NSMCE2: variants seen among roughly 807,000 people sequenced by gnomAD.
NSMCE2 encodes NSE2 SUMO ligase component of SMC5/6 complex, also known as E3 SUMO-protein ligase NSE2.
Under a neutral mutation model 23.8 loss-of-function variants are expected in NSMCE2, and 24 were observed. The ratio of observed to expected loss-of-function variants is 1.01; its 90% CI spans 0.73 to 1.42. The LOEUF (loss-of-function observed/expected upper bound fraction) is 1.42. Among genes scored for constraint, NSMCE2 ranks in the 40% most tolerant of loss-of-function variants. The pLI is 0.00. For missense variants in NSMCE2, 284 were observed against 296.5 expected (o/e 0.96, Z 0.31); for synonymous variants, 92 against 94.1 (o/e 0.98, Z 0.13).
chr8:125,142,361 T>A (rs942209920), intron 3 of NSMCE2, among the ~76,000 whole-genome samples: 1 of 152,224 alleles, frequency 6.6e-6, no homozygotes, highest in African/African-American at 2.4e-5. Flanking sequence ...TAGATTTGAA[T>A]GAAGTCTAAT....
chr8:125,301,218 G>A (rs556248725), intron 5 of NSMCE2, among the ~76,000 whole-genome samples: 6 of 152,178 alleles, frequency 3.9e-5, no homozygotes, highest in African/African-American at 1.4e-4. Flanking sequence ...GGGAAAGGGG[G>A]CCTGAGGAAA....
chr8:125,133,882 G>A (rs917533884), intron 3 of NSMCE2, among the ~76,000 whole-genome samples: 2 of 152,068 alleles, frequency 1.3e-5, no homozygotes, highest in Non-Finnish European at 2.9e-5. Flanking sequence ...CATTAGAACC[G>A]TGGATCTCAA....
At chr8:125,232,026 A>G (rs2130948591) in intron 5 of NSMCE2, among the ~76,000 whole-genome samples, 1 of 152,320 alleles carries the variant, frequency 6.6e-6, no homozygotes, top group South Asian at 2.1e-4. Context: ...CACCCACTGT[A>G]TCTCACAGTA....
chr8:125,200,674 G>A (rs1823831767), intron 5 of NSMCE2, among the ~76,000 whole-genome samples: 1 of 152,118 alleles, frequency 6.6e-6, no homozygotes, highest in South Asian at 2.1e-4. Context: ...TTCTCGAGGA[G>A]TATCTTTGTG....
chr8:125,323,943 CA>C lies in NSMCE2; in HGVS notation c.419-33272del, dbSNP rs556012707. 4.0e-3 allele frequency among the ~76,000 whole-genome samples: 614 copies of C among 151,932 alleles called. 4 individuals carry two copies. Among genetic ancestry groups the C allele is most frequent in the Middle Eastern group, 0.014 (4 of 294 alleles). On this transcript the variant is annotated intron_variant, in intron 5 of 7. Coordinates refer to ENST00000287437, the MANE Select transcript of NSMCE2 (RefSeq NM_173685.4). ...GAATCCAGAATAGTAAAAGATCTCT[CA>C]AAACTCAATAAGAAGAAAGCACTCC... is the stretch of plus-strand genomic sequence containing the variant.
chr8:125,211,240 A>G (rs935040424), intron 5 of NSMCE2, among the ~76,000 whole-genome samples: 2 of 152,108 alleles, frequency 1.3e-5, no homozygotes, highest in African/African-American at 4.8e-5. Flanking sequence ...CAAAGTGCAA[A>G]AGACTATGGT....
At chr8:125,320,894 A>G (rs1482007243) in intron 5 of NSMCE2, among the ~76,000 whole-genome samples, 1 of 152,216 alleles carries the variant, frequency 6.6e-6, no homozygotes, top group African/African-American at 2.4e-5. Flanking sequence ...GATGGTGGCA[A>G]CTGCTCAGCT....
intron 5 of NSMCE2, among the ~76,000 whole-genome samples, chr8:125,341,921 A>C (rs1351055850): frequency 3.6e-5 from 5 of 139,486 alleles, no homozygotes; most frequent in African/African-American, 8.9e-5. Context: ...AAAAAAAAAA[A>C]ACCTGTCTCT....
At chr8:125,093,725 AAAAT>A (rs1190645381) in intron 1 of NSMCE2, among the ~76,000 whole-genome samples, 4 of 151,818 alleles carry the variant, frequency 2.6e-5, no homozygotes, top group African/African-American at 7.3e-5. Context: ...TCTGTCTCAA[AAAAT>A]AAATAAATAA....
intron 5 of NSMCE2, among the ~76,000 whole-genome samples, chr8:125,245,767 C>T (rs1277834953): frequency 1.3e-5 from 2 of 152,310 alleles, no homozygotes; most frequent in South Asian, 4.2e-4. Context: ...AGCTCTGTGG[C>T]TCACGCATGT....
At chr8:125,193,188 G>A (rs1823440307) in intron 5 of NSMCE2, among the ~76,000 whole-genome samples, 1 of 152,062 alleles carries the variant, frequency 6.6e-6, no homozygotes, top group African/African-American at 2.4e-5. Context: ...ATTACAAGTA[G>A]GTTAACTACA....
chr8:125,315,768 T>C (rs1829152540), intron 5 of NSMCE2, among the ~76,000 whole-genome samples: 1 of 152,034 alleles, frequency 6.6e-6, no homozygotes, highest in Non-Finnish European at 1.5e-5. Flanking sequence ...CCATTCAGGC[T>C]CACCACATTG....
At chr8:125,131,280 C>T (rs369840545) in intron 3 of NSMCE2, among the ~76,000 whole-genome samples, 7 of 152,182 alleles carry the variant, frequency 4.6e-5, no homozygotes, top group South Asian at 2.1e-4. Flanking sequence ...GGAAAATATA[C>T]GCACTGAAGA....
intron 5 of NSMCE2, among the ~76,000 whole-genome samples, chr8:125,341,535 TCTC>T (rs1299304392): frequency 6.6e-6 from 1 of 152,092 alleles, no homozygotes; most frequent in African/African-American, 2.4e-5. Flanking sequence ...TTTCCAGAGT[TCTC>T]CTTATGTGGT....
In NSMCE2 at chr8:125,164,239, A is replaced by G. The variant is rs528365610; in HGVS notation, c.264+12962A>G. Among the ~76,000 whole-genome samples, 87 of 152,302 alleles carry G rather than the reference A, an allele frequency of 5.7e-4. 1 individual carries two copies. The highest frequency in any genetic ancestry group is 1.8e-3 in the African/African-American group (74 of 41,572). ...CCTTACAAAGTTAGGAAAGGTGGCT[A>G]TTGTTGACTCTGAGCCTCAAGAAGG... On this transcript the variant is annotated intron_variant, in intron 4 of 7. Transcript: ENST00000287437.
At chr8:125,338,086 T>C (rs1290515222) in intron 5 of NSMCE2, among the ~76,000 whole-genome samples, 6 of 152,076 alleles carry the variant, frequency 3.9e-5, no homozygotes, top group African/African-American at 1.4e-4. Context: ...CTAATTCTCA[T>C]CCCTTTTCAG....
intron 1 of NSMCE2, among the ~76,000 whole-genome samples, chr8:125,092,221 G>A (rs915422607): frequency 1.3e-5 from 2 of 152,130 alleles, no homozygotes; most frequent in Non-Finnish European, 2.9e-5. Context: ...TAAAAGTAAG[G>A]CCACGGGAAG....
chr8:125,102,529 A>G (rs1302024634), intron 3 of NSMCE2, 42 bp downstream of exon 3: 2 of 1,528,540 alleles, frequency 1.3e-6, no homozygotes, highest in African/African-American at 1.4e-5. Flanking sequence ...CTTTGAGGTA[A>G]CACTGTGTGG....
intron 3 of NSMCE2, among the ~76,000 whole-genome samples, chr8:125,139,164 A>G (rs918037881): frequency 3.3e-5 from 5 of 152,212 alleles, no homozygotes; most frequent in African/African-American, 9.6e-5. Flanking sequence ...CCAGATAGTT[A>G]TATCAGGGCT....
Sources: allele counts gnomAD v4.1 joint callset (sites outside exome capture counted in the v4.1 genomes callset), GRCh38; gene constraint gnomAD v4.1.1; transcripts MANE v1.5; gene names NCBI Gene and HGNC (gene_info 2026-07-23, HGNC 2026-07-21).